Variants in GNAS observed in about 807,000 individuals in gnomAD.
GNAS encodes the protein GNAS complex locus, also known as protein ALEX.
GNAS carries 8 observed loss-of-function variants against 54.5 expected under a neutral mutation model. The ratio of observed to expected loss-of-function variants is 0.15; its 90% CI spans 0.09 to 0.26. GNAS has a LOEUF of 0.26. GNAS is among the 10% of genes least tolerant of loss of function. The probability of loss-of-function intolerance (pLI) is 1.00; values close to 1 mark genes in which losing one functional copy is unlikely to be tolerated. For missense variants in GNAS, 170 were observed against 529.8 expected, an observed-to-expected ratio of 0.32 and a Z score of 6.67; for synonymous variants, 204 against 191.4, an observed-to-expected ratio of 1.07 and a Z score of -0.54.
intron 1 of GNAS, among the ~76,000 whole-genome samples, chr20:58,877,749 T>TC (rs1343703423): frequency 2.0e-5 from 3 of 152,196 alleles, no homozygotes; most frequent in Non-Finnish European, 2.9e-5. Context: ...GTCACTGACT[T>TC]CCCACCTCCC....
chr20:58,847,595 G>T (rs1471274565), intron 1 of GNAS, among the ~76,000 whole-genome samples: 1 of 152,164 alleles, frequency 6.6e-6, no homozygotes, highest in Non-Finnish European at 1.5e-5. Flanking sequence ...TCAATTGAAA[G>T]AAACCCACTG....
chr20:58,853,667 C>T lies in GNAS; in HGVS notation c.43+12781C>T, dbSNP rs771418632. 6.8e-6 allele frequency: 11 copies of T among 1,613,494 alleles called. No homozygotes were observed. Among genetic ancestry groups the T allele is most frequent in the Middle Eastern group, 1.6e-4 (1 of 6,084 alleles). ...GGGTCCATGCAGGCCTTGAGGCCTT[C>T]GGCCCAGCACTCATGGAGCCCGGAG... On this transcript the variant is annotated intron_variant, in intron 1 of 12. Transcript: ENST00000306090. This position sits in a 1 kb window ranked among gnomAD's most constrained non-coding sequence, Gnocchi z 4.4.
At chr20:58,871,151 TGA>T (rs1222925378) in intron 1 of GNAS, among the ~76,000 whole-genome samples, 2 of 152,214 alleles carry the variant, frequency 1.3e-5, no homozygotes, top group African/African-American at 2.4e-5. Context: ...GGGAAAGAAT[TGA>T]GGTTCCCTCC....
chr20:58,877,191 G>C (rs1178517288), intron 1 of GNAS, among the ~76,000 whole-genome samples: 1 of 152,006 alleles, frequency 6.6e-6, no homozygotes, highest in Non-Finnish European at 1.5e-5. Context: ...GTGGTGGGGG[G>C]AAAGGAGGGG....
chr20:58,902,792 T>C (rs2090748298), intron 3 of GNAS, among the ~76,000 whole-genome samples: 1 of 130,938 alleles, frequency 7.6e-6, no homozygotes, highest in Non-Finnish European at 1.6e-5. Flanking sequence ...AGTGCAGTGG[T>C]GCCATCTCAG....
Position 58,910,154 on chromosome 20 carries a change from C to T in GNAS, c.970+73C>T. On this transcript the variant is annotated intron_variant, in intron 11 of 12. Transcript: ENST00000371085. The surrounding 1 kb of genome is among the most constrained non-coding windows in gnomAD (Gnocchi z 5.8). ...TTTCAAACGGTCAGGCTGAAAACCC[C>T]CATCCCCCTCCCACCACCAAACCAT... is the stretch of plus-strand genomic sequence containing the variant. 3 of 1,479,262 alleles carry T rather than the reference C, an allele frequency of 2.0e-6. No individual in the cohort carries two copies. The highest frequency in any genetic ancestry group is 1.7e-5 in the Admixed American group (1 of 59,854). The allele number at this position is 1,479,262 out of a possible 1,614,324, so 91.6% of individuals were successfully genotyped here. A position where few individuals can be genotyped will look rare whatever the true frequency, so the allele number is the denominator to read the frequency against.
intron 1 of GNAS, chr20:58,854,044 C>A: frequency 6.2e-7 from 1 of 1,611,022 alleles, no homozygotes; most frequent in Non-Finnish European, 8.5e-7. Flanking sequence ...GCAGTCGCGG[C>A]CTCGAGTGCG....
Position 58,857,536 on chromosome 20 carries a change from T to C in GNAS, c.43+16650T>C, listed in dbSNP as rs1401765338. Among the ~76,000 whole-genome samples the C allele has an allele frequency of 1.3e-5, 2 of 152,188 alleles. No individual in the cohort carries two copies. The highest frequency in any genetic ancestry group is 2.4e-5 in the African/African-American group (1 of 41,444). ...GTGACAGTGTGCACCTGACCCCTAA[T>C]TGTCAAATTGGTGATGTGCCTTACA... On this transcript the variant is annotated intron_variant, in intron 1 of 12. Coordinates refer to the GNAS transcript ENST00000306090. The surrounding 1 kb of genome is among the most constrained non-coding windows in gnomAD (Gnocchi z 4.1).
upstream of GNAS, chr20:58,889,125 A>C: frequency 3.4e-6 from 4 of 1,175,394 alleles, no homozygotes; most frequent in Non-Finnish European, 4.3e-6. Flanking sequence ...TCCTCTGAAG[A>C]GGCTGGGGCG....
intron 6 of GNAS, among the ~76,000 whole-genome samples, chr20:58,906,188 G>A (rs907382089): frequency 6.6e-6 from 1 of 152,246 alleles, no homozygotes; most frequent in Admixed American, 6.5e-5. Flanking sequence ...AGGAGGACAG[G>A]TTAAGGCCTG....
Position 58,853,041 on chromosome 20 carries a change from G to T in GNAS, c.43+12155G>T. 3.0e-6 allele frequency: 4 copies of T among 1,348,612 alleles called. No individual in the cohort carries two copies. Among genetic ancestry groups the T allele is most frequent in the Non-Finnish European group, 3.8e-6 (4 of 1,055,270 alleles). The allele number at this position is 1,348,612 out of a possible 1,614,324, so 83.5% of individuals were successfully genotyped here. On this transcript the variant is annotated intron_variant, in intron 1 of 12. Transcript: ENST00000306090. The surrounding 1 kb of genome is among the most constrained non-coding windows in gnomAD (Gnocchi z 4.4). ...TGGGGGCATGAAAAGTGGCCAGGAA[G>T]GAGCCAAGACTCCACCAGCAACAAT...
At chr20:58,876,185 C>T (rs1248895247) in intron 1 of GNAS, among the ~76,000 whole-genome samples, 1 of 152,138 alleles carries the variant, frequency 6.6e-6, no homozygotes. Context: ...TTAAGTTCCC[C>T]AGTGTAAGTT....
rs996833086 is a variant in GNAS, at chr20:58,849,012, G to A, written c.43+8126G>A. 48 of 397,524 alleles carry A rather than the reference G, an allele frequency of 1.2e-4. 1 individual carries two copies. The East Asian group carries it at 1.4e-3, about 12-fold the overall frequency. The allele number at this position is 397,524 out of a possible 1,614,324, so 24.6% of individuals were successfully genotyped here. On this transcript the variant is annotated intron_variant, in intron 1 of 12. Transcript: ENST00000306090. The stretch of plus-strand genomic sequence containing the variant: ...AGTCTTAATTTATCTTTAAATTAAG[G>A]CAATTCCTATTTAAATCTAAGGGTC...
intron 1 of GNAS, among the ~76,000 whole-genome samples, chr20:58,842,877 T>C (rs1354186340): frequency 6.6e-6 from 1 of 152,168 alleles, no homozygotes; most frequent in Non-Finnish European, 1.5e-5. Flanking sequence ...GGGAGACCCG[T>C]TTTCCCACAG....
chr20:58,889,777 G>GC (rs3833329), upstream of GNAS, among the ~76,000 whole-genome samples: 22,754 of 150,780 alleles, frequency 0.15, 3,064 homozygotes, highest in African/African-American at 0.36. Flanking sequence ...CCGCAGCCAA[G>GC]CCCCCCGACA....
At chr20:58,874,978 A>G (rs1272747797) in intron 1 of GNAS, among the ~76,000 whole-genome samples, 1 of 152,192 alleles carries the variant, frequency 6.6e-6, no homozygotes, top group Non-Finnish European at 1.5e-5. Context: ...AATATGTCTT[A>G]TGGATAGGTC....
In GNAS at chr20:58,853,520, C is replaced by T; in HGVS notation, c.43+12634C>T. On this transcript the variant is annotated intron_variant, in intron 1 of 12. Coordinates refer to the GNAS transcript ENST00000306090. The surrounding 1 kb of genome is among the most constrained non-coding windows in gnomAD (Gnocchi z 4.4). Reference sequence around the variant, plus strand: ...ACTTTCAGGTCCTCAACCCGGCATTCAGGGAAGCTGGAGCCCATGGAAGCT... The same window carrying T: ...ACTTTCAGGTCCTCAACCCGGCATTTAGGGAAGCTGGAGCCCATGGAAGCT... The T allele has an allele frequency of 6.2e-7, 1 of 1,613,250 alleles. No individual in the cohort carries two copies. The highest frequency in any genetic ancestry group is 8.5e-7 in the Non-Finnish European group (1 of 1,179,862).
At chr20:58,897,914 G>C (rs1251582946) in intron 2 of GNAS, 1 of 152,210 alleles carries the variant, frequency 6.6e-6, no homozygotes, top group African/African-American at 2.4e-5. Flanking sequence ...AGGGTGGTCT[G>C]GGTGGTACAG....
chr20:58,890,201 G>A (rs983209174), upstream of GNAS, among the ~76,000 whole-genome samples: 4 of 145,558 alleles, frequency 2.7e-5, no homozygotes, highest in African/African-American at 5.4e-5. Context: ...AGATGCTGAA[G>A]AAGAAGAAGA....
Sources: allele counts gnomAD v4.1 joint callset (sites outside exome capture counted in the v4.1 genomes callset), GRCh38; gene constraint gnomAD v4.1.1; non-coding constraint Gnocchi (gnomAD v3.1); transcripts MANE v1.5; gene names NCBI Gene and HGNC (gene_info 2026-07-23, HGNC 2026-07-21).